C12orf42: variants seen among roughly 807,000 people sequenced by gnomAD.
The protein encoded by C12orf42 is uncharacterized protein C12orf42.
Under a neutral mutation model 21.6 loss-of-function variants are expected in C12orf42, and 25 were observed. That is an observed-to-expected ratio of 1.16 (90% CI 0.84 to 1.62). The LOEUF is 1.62. C12orf42 is among the 40% of genes most tolerant of loss of function. The pLI is 0.00. For synonymous variants in C12orf42, 174 were observed against 175.0 expected (o/e 0.99, Z 0.05); for missense variants, 483 against 459.3 (o/e 1.05, Z -0.47).
At chr12:103,234,957 G>A (rs1003318330), downstream of C12orf42, among the ~76,000 whole-genome samples, 7 of 152,036 alleles carry the variant, frequency 4.6e-5, no homozygotes, top group Admixed American at 6.6e-5. Flanking sequence ...TACCGAGGAA[G>A]AATTCAATAT....
chr12:103,361,094 TC>T (rs1333557192), intron 4 of C12orf42, among the ~76,000 whole-genome samples: 1 of 152,084 alleles, frequency 6.6e-6, no homozygotes, highest in African/African-American at 2.4e-5. Context: ...GAACTTTTAC[TC>T]CAGAGCTACT....
chr12:103,528,322 A>G, the C12orf42 span, among the ~76,000 whole-genome samples: 25 of 152,362 alleles, frequency 1.6e-4, no homozygotes, highest in Admixed American at 1.4e-3. Flanking sequence ...TACAAGTAGT[A>G]CTTGAGCTGT....
In C12orf42 at chr12:103,284,664, C is replaced by T. The variant is rs12301661; in HGVS notation, n.338-7454G>A. ...AGAGCAATATTTTGAACATGGTAGG[C>T]CTTTGTTACATATTTGTTGAATGAA... On this transcript the variant is annotated intron_variant and non_coding_transcript_variant, in intron 4 of 6. Coordinates refer to the C12orf42 transcript ENST00000546526. 5.0e-3 allele frequency among the ~76,000 whole-genome samples: 755 copies of T among 152,174 alleles called. 7 individuals carry two copies. Among genetic ancestry groups the T allele is most frequent in the African/African-American group, 0.017 (719 of 41,500 alleles).
chr12:103,266,623 T>A (rs140603591), downstream of C12orf42, among the ~76,000 whole-genome samples: 1 of 152,290 alleles, frequency 6.6e-6, no homozygotes, highest in African/African-American at 2.4e-5. Context: ...TAACTGTATC[T>A]AAGGTTGTAC....
chr12:103,405,951 T>C (rs2048394359), intron 2 of C12orf42, among the ~76,000 whole-genome samples: 1 of 152,188 alleles, frequency 6.6e-6, no homozygotes. Flanking sequence ...GTCTACTTAG[T>C]TCTAATCTAA....
At chr12:103,148,506 C>T in the C12orf42 span, among the ~76,000 whole-genome samples, 1 of 151,960 alleles carries the variant, frequency 6.6e-6, no homozygotes, top group Admixed American at 6.6e-5. Context: ...AGTTCAATTT[C>T]TTCCTTTAGT....
intron 10 of C12orf42, among the ~76,000 whole-genome samples, chr12:103,239,282 C>G (rs1478202466): frequency 6.6e-6 from 1 of 152,168 alleles, no homozygotes; most frequent in East Asian, 1.9e-4. Context: ...TTGTCATCAT[C>G]ATGATCACCA....
the C12orf42 span, among the ~76,000 whole-genome samples, chr12:103,135,718 G>C: frequency 6.6e-6 from 1 of 152,010 alleles, no homozygotes; most frequent in East Asian, 1.9e-4. Context: ...CATGACCAAG[G>C]GGGATTTATC....
At chr12:103,069,052 T>A in the C12orf42 span, among the ~76,000 whole-genome samples, 3 of 144,028 alleles carry the variant, frequency 2.1e-5, no homozygotes, top group Non-Finnish European at 4.5e-5. Context: ...TATGTATTTT[T>A]AAAAAAGATA....
chr12:103,254,974 ATGT>A (rs1313889838), intron 10 of C12orf42, among the ~76,000 whole-genome samples: 26 of 152,194 alleles, frequency 1.7e-4, no homozygotes, highest in African/African-American at 5.5e-4. Flanking sequence ...TTCAAAAAAT[ATGT>A]ATTCTGTAAG....
At chr12:103,179,882 A>C in the C12orf42 span, among the ~76,000 whole-genome samples, 2 of 152,142 alleles carry the variant, frequency 1.3e-5, no homozygotes, top group African/African-American at 2.4e-5. Flanking sequence ...GAAAAGGGAG[A>C]GGCTATGATA....
At chr12:103,350,123 T>C (rs77751685) in intron 4 of C12orf42, among the ~76,000 whole-genome samples, 138 of 152,308 alleles carry the variant, frequency 9.1e-4, no homozygotes, top group Middle Eastern at 3.4e-3. Flanking sequence ...CCATTATTTC[T>C]TCATATACAG....
At chr12:103,523,731 G>C in the C12orf42 span, among the ~76,000 whole-genome samples, 1 of 151,432 alleles carries the variant, frequency 6.6e-6, no homozygotes, top group Non-Finnish European at 1.5e-5. Context: ...AGGTGTTGTA[G>C]AGCTTTTGGA....
chr12:103,462,744 C>T (rs576070079), intron 2 of C12orf42, among the ~76,000 whole-genome samples: 19 of 152,226 alleles, frequency 1.2e-4, no homozygotes, highest in African/African-American at 4.3e-4. Context: ...TCAGTTAAAG[C>T]ACCGTCAGTA....
At chr12:103,486,236 GT>G (rs1488571333) in intron 1 of C12orf42, among the ~76,000 whole-genome samples, 1 of 152,120 alleles carries the variant, frequency 6.6e-6, no homozygotes, top group African/African-American at 2.4e-5. Flanking sequence ...ATAATCATGT[GT>G]TTTTTGTCAT....
At chr12:103,241,893 A>T (rs1301550548) in intron 10 of C12orf42, among the ~76,000 whole-genome samples, 1 of 152,192 alleles carries the variant, frequency 6.6e-6, no homozygotes, top group East Asian at 1.9e-4. Context: ...TTTTCAAAGA[A>T]TGATTTTAAA....
the C12orf42 span, among the ~76,000 whole-genome samples, chr12:103,544,833 AG>A: frequency 9.9e-5 from 15 of 152,196 alleles, no homozygotes; most frequent in East Asian, 2.9e-3. Context: ...CCAACTTTCA[AG>A]GCATGCAGTT....
At chr12:103,408,485 A>C (rs1235655644) in intron 2 of C12orf42, among the ~76,000 whole-genome samples, 4 of 152,192 alleles carry the variant, frequency 2.6e-5, no homozygotes, top group Non-Finnish European at 5.9e-5. Flanking sequence ...AGGAAAACAA[A>C]ATCATCTAGG....
At chr12:103,364,743 T>C (rs1186733295) in intron 4 of C12orf42, among the ~76,000 whole-genome samples, 1 of 151,962 alleles carries the variant, frequency 6.6e-6, no homozygotes, top group Admixed American at 6.6e-5. Context: ...AGGAGATGGA[T>C]ACATTCCTAG....
Sources: gnomAD v4.1 joint callset for allele counts (sites outside exome capture counted in the v4.1 genomes callset) on GRCh38, gnomAD v4.1.1 for gene constraint, MANE v1.5 for transcripts, NCBI Gene and HGNC (gene_info 2026-07-23, HGNC 2026-07-21) for gene names.